Variants in KIN observed in about 807,000 individuals in gnomAD.
KIN encodes Kin17 DNA and RNA binding protein, also known as DNA/RNA-binding protein KIN17.
A neutral mutation model predicts 63.0 loss-of-function variants in KIN; 47 were observed. The observed-to-expected ratio is 0.75, with a 90% CI of 0.59 to 0.95. KIN has a LOEUF of 0.95. Among genes scored for constraint, KIN ranks in the 40% least tolerant of loss-of-function variants. The probability of loss-of-function intolerance (pLI) is 0.00; values close to 1 mark genes in which losing one functional copy is unlikely to be tolerated. For synonymous variants in KIN, 160 were observed against 157.7 expected (o/e 1.01, Z -0.11); for missense variants, 408 against 460.9 (o/e 0.89, Z 1.05).
rs1240239968 is a variant in KIN, at chr10:7,774,911, T to C, written c.608-20A>G. 2 of 1,560,836 alleles carry C rather than the reference T, an allele frequency of 1.3e-6. No individual in the cohort carries two copies. Among genetic ancestry groups the C allele is most frequent in the East Asian group, 2.2e-5 (1 of 44,632 alleles). On this transcript the variant is annotated intron_variant, in intron 6 of 12. Transcript: ENST00000379562. ...ACGTGACTAGAAGAAAAAAATGTTATTCCATACATACATTTCAAGAAAATC... is the reference window on the plus strand; with the variant it reads ...ACGTGACTAGAAGAAAAAAATGTTACTCCATACATACATTTCAAGAAAATC...
rs1419741886 is a variant in KIN at position 7,787,845 on chromosome 10, A to T, written c.89T>A (p.Met30Lys). ...GLQKLRWYCQ[M>K]CQKQCRDENG... is the part of the protein sequence containing the mutation. ...CTCGTCCCGGCACTGCTTCTGGCAC[A>T]TCTGGCAATACCAGCGTAGCTTCTG... The change falls in exon 1 of 13, where the codon ATG becomes AAG. Residue 30 changes from methionine (M) to lysine (K), a missense_variant. Met to Lys is a moderately conservative substitution (Grantham distance 95). Around this residue, in one of 2 missense-constraint regions of KIN, gnomAD observed 110 missense variants for 164.9 expected, o/e 0.67. Transcript: ENST00000379562. 1 of 1,614,080 alleles carries T rather than the reference A, an allele frequency of 6.2e-7. No individual in the cohort carries two copies. The highest frequency in any genetic ancestry group is 1.7e-5 in the Admixed American group (1 of 60,034).
At chr10:7,763,876 C>A in intron 9 of KIN, 85 bp from the exon 10 acceptor site, 1 of 660,974 alleles carries the variant, frequency 1.5e-6, no homozygotes, top group East Asian at 3.0e-5. Flanking sequence ...TATGTTCACC[C>A]AAAACCACAG....
chr10:7,767,578 C>A (rs767564513), intron 8 of KIN, among the ~76,000 whole-genome samples: 2 of 152,042 alleles, frequency 1.3e-5, no homozygotes, highest in Non-Finnish European at 2.9e-5. Flanking sequence ...AACAGCCAGC[C>A]GGGTGCGGTG....
intron 7 of KIN, among the ~76,000 whole-genome samples, chr10:7,772,856 TCA>T (rs1167757944): frequency 7.2e-5 from 11 of 152,204 alleles, no homozygotes; most frequent in Admixed American, 5.9e-4. Context: ...CCCAAAAATG[TCA>T]GGTCCTTATC....
At chr10:7,769,385 A>G in intron 7 of KIN, 40 bp from the exon 8 acceptor site, 1 of 1,589,312 alleles carries the variant, frequency 6.3e-7, no homozygotes, top group Non-Finnish European at 8.5e-7. Flanking sequence ...CAAGAACCAT[A>G]CACAGACGAA....
intron 7 of KIN, among the ~76,000 whole-genome samples, chr10:7,773,498 C>G (rs887432437): frequency 1.3e-5 from 2 of 152,180 alleles, no homozygotes; most frequent in African/African-American, 4.8e-5. Context: ...CAATGTTAGA[C>G]AATTCTTCTG....
Position 7,751,905 on chromosome 10 carries a change from G to C in KIN, c.*4175C>G, listed in dbSNP as rs1420009827. 3 of 1,832 alleles carry C rather than the reference G, an allele frequency of 1.6e-3. 1 individual carries two copies. Among genetic ancestry groups the C allele is most frequent in the African/African-American group, 2.5e-3 (1 of 404 alleles). The allele number at this position is 1,832 out of a possible 1,614,324, so 0.1% of individuals were successfully genotyped here. ...AAAAAATTAGCCGGGCGCGGTGGCG[G>C]GCGCCTGTAGTCCCAGCTACTCGGG... On this transcript the variant is annotated 3_prime_UTR_variant, in exon 13 of 13. Transcript: ENST00000379562.
intron 11 of KIN, among the ~76,000 whole-genome samples, chr10:7,762,196 T>C (rs1320306194): frequency 1.3e-5 from 2 of 150,540 alleles, no homozygotes; most frequent in African/African-American, 4.9e-5. Context: ...ATGCTATCCA[T>C]ATATGTCTAC....
At position 7,780,159 on chromosome 10, in the gene KIN, G is replaced by A. The variant is rs755740799; in HGVS notation, c.273C>T (p.Asn91=). ...RRRFGTKRVH[N]NIVYNEYISH... ...TGATGTATTCGTTGTAGACAATGTT[G>A]TTGTGGACCCTTTTAGTGCCTGAGA... is the stretch of plus-strand genomic sequence containing the variant. Residue 91 remains asparagine (N), a synonymous_variant, in exon 4 of 13, where the codon AAC becomes AAT. Coordinates refer to ENST00000379562, the MANE Select transcript of KIN (RefSeq NM_012311.4). 26 of 1,613,598 alleles carry A rather than the reference G, an allele frequency of 1.6e-5. No homozygotes were observed. The highest frequency in any genetic ancestry group is 2.0e-5 in the Non-Finnish European group (24 of 1,179,848).
At position 7,778,888 on chromosome 10, in the gene KIN, C is replaced by T; in HGVS notation, c.508G>A (p.Ala170Thr). ...KQDLDDEEKTAKFIEEQVRRG... is the reference protein window; with the variant it reads ...KQDLDDEEKTTKFIEEQVRRG... Reference sequence around the variant, plus strand: ...CTCACTTGCTCTTCAATAAATTTGGCAGTTTTTTCTTCATCATCAAGGTCC... The same window carrying T: ...CTCACTTGCTCTTCAATAAATTTGGTAGTTTTTTCTTCATCATCAAGGTCC... Residue 170 changes from alanine (A) to threonine (T), a missense_variant, in exon 5 of 13, where the codon GCC (alanine) becomes ACC (threonine). Ala to Thr is a moderately conservative substitution (Grantham distance 58). Around this residue, in one of 2 missense-constraint regions of KIN, gnomAD observed 298 missense variants for 296.0 expected, o/e 1.01. Coordinates refer to ENST00000379562, the MANE Select transcript of KIN (RefSeq NM_012311.4). 6.2e-7 allele frequency: 1 copy of T among 1,614,114 alleles called. No individual in the cohort carries two copies. The highest frequency in any genetic ancestry group is 8.5e-7 in the Non-Finnish European group (1 of 1,180,030).
chr10:7,774,945 A>G lies in KIN; in HGVS notation c.608-54T>C, dbSNP rs189139887. ...TACATTTCAAGAAAATCATAATAAAACTTCTCAGATAAGATACTACAAAGT... is the reference window on the plus strand; with the variant it reads ...TACATTTCAAGAAAATCATAATAAAGCTTCTCAGATAAGATACTACAAAGT... On this transcript the variant is annotated intron_variant, in intron 6 of 12. Coordinates refer to ENST00000379562, the MANE Select transcript of KIN (RefSeq NM_012311.4). 3.1e-6 allele frequency: 4 copies of G among 1,297,724 alleles called. No individual in the cohort carries two copies. In the East Asian group the frequency reaches 9.2e-5, roughly 30 times the overall value. 80.4% of individuals were successfully genotyped at this position (1,297,724 alleles called of 1,614,324 possible). A position where few individuals can be genotyped will look rare whatever the true frequency, so the allele number is the denominator to read the frequency against.
At chr10:7,784,542 C>A (rs549340547) in intron 1 of KIN, among the ~76,000 whole-genome samples, 1 of 151,860 alleles carries the variant, frequency 6.6e-6, no homozygotes. Flanking sequence ...GAGCTATGAT[C>A]GAGCCACTGT....
intron 10 of KIN, 129 bp downstream of exon 10, chr10:7,763,594 T>C: frequency 1.6e-6 from 1 of 626,104 alleles, no homozygotes; most frequent in Non-Finnish European, 2.8e-6. Flanking sequence ...TTCCATTTCA[T>C]GGAATAATCA....
At chr10:7,758,983 A>C (rs1450533970) in intron 12 of KIN, among the ~76,000 whole-genome samples, 3 of 152,154 alleles carry the variant, frequency 2.0e-5, no homozygotes, top group African/African-American at 7.2e-5. Flanking sequence ...GAATTCTCTC[A>C]AATAAGGACC....
intron 5 of KIN, among the ~76,000 whole-genome samples, chr10:7,777,630 G>A (rs568580252): frequency 6.6e-6 from 1 of 151,184 alleles, no homozygotes; most frequent in Non-Finnish European, 1.5e-5. Context: ...GGGCGTGGTG[G>A]CTCACGCCTG....
In KIN at chr10:7,751,104, A is replaced by C. The variant is rs1312943645; in HGVS notation, c.*4976T>G. ...GTTACTTTATGCTGTCTGCATTTGT[A>C]TAGTGGATTTTGGTGCTAAGATGCA... On this transcript the variant is annotated 3_prime_UTR_variant, in exon 13 of 13. Transcript: ENST00000379562. 2 of 152,218 alleles carry C rather than the reference A, an allele frequency of 1.3e-5. No individual in the cohort carries two copies. The highest frequency in any genetic ancestry group is 4.8e-5 in the African/African-American group (2 of 41,448). 9.4% of individuals were successfully genotyped at this position (152,218 alleles called of 1,614,324 possible).
At chr10:7,761,104 G>GTAAAA in intron 11 of KIN, 1 of 152,368 alleles carries the variant, frequency 6.6e-6, no homozygotes, top group East Asian at 1.9e-4. Flanking sequence ...GGAGGGATTA[G>GTAAAA]AGAGGGAAAT....
Position 7,787,958 on chromosome 10 carries a change from C to A in KIN, c.-25G>T. 1 of 1,559,332 alleles carries A rather than the reference C, an allele frequency of 6.4e-7. No homozygotes were observed. Among genetic ancestry groups the A allele is most frequent in the East Asian group, 2.2e-5 (1 of 44,622 alleles). ...TGGCGACCACGGCAGCGATCACTTT[C>A]TGGACCCCAGTACTCAGCCAGCCGG... On this transcript the variant is annotated 5_prime_UTR_variant, in exon 1 of 13. Coordinates refer to ENST00000379562, the MANE Select transcript of KIN (RefSeq NM_012311.4).
chr10:7,774,707 T>A, intron 7 of KIN, 124 bp downstream of exon 7: 9 of 745,774 alleles, frequency 1.2e-5, no homozygotes, highest in South Asian at 1.9e-5. Flanking sequence ...ACGCAACCAA[T>A]AAAAACCAAA....
Sources: allele counts gnomAD v4.1 joint callset (sites outside exome capture counted in the v4.1 genomes callset), GRCh38; gene constraint gnomAD v4.1.1; regional missense constraint gnomAD v4.1.1; transcripts MANE v1.5; gene names NCBI Gene and HGNC (gene_info 2026-07-23, HGNC 2026-07-21).